RNF6: variants seen among roughly 807,000 people sequenced by gnomAD.
RNF6 encodes ring finger protein 6.
A neutral mutation model predicts 50.1 loss-of-function variants in RNF6; 21 were observed. The observed-to-expected ratio is 0.42, with a 90% CI of 0.30 to 0.60. The LOEUF is 0.60. RNF6 is among the 20% of genes least tolerant of loss of function. The pLI is 0.20. For missense variants in RNF6, 698 were observed against 838.2 expected (o/e 0.83, Z 2.07); for synonymous variants, 255 against 291.8 (o/e 0.87, Z 1.29).
chr13:26,216,198 C>CTTAAG (rs1351273733), intron 4 of RNF6, among the ~76,000 whole-genome samples: 1 of 152,186 alleles, frequency 6.6e-6, no homozygotes, highest in Admixed American at 6.5e-5. Flanking sequence ...CTTAAGGTCT[C>CTTAAG]TATGGCTGAT....
At chr13:26,217,419 A>G (rs1175411664) in intron 4 of RNF6, among the ~76,000 whole-genome samples, 4 of 152,216 alleles carry the variant, frequency 2.6e-5, no homozygotes, top group African/African-American at 9.7e-5. Flanking sequence ...TTCCATTGTA[A>G]AAGCATCGGA....
At chr13:26,208,330 A>G (rs1472812852), downstream of RNF6, among the ~76,000 whole-genome samples, 9 of 152,204 alleles carry the variant, frequency 5.9e-5, no homozygotes, top group Non-Finnish European at 2.9e-5. Context: ...GGGTGCCTGT[A>G]TGACCAGCCC....
At chr13:26,156,021 A>T (rs1871905628) in intron 5 of RNF6, among the ~76,000 whole-genome samples, 2 of 152,166 alleles carry the variant, frequency 1.3e-5, no homozygotes, top group Non-Finnish European at 2.9e-5. Flanking sequence ...AAAACACAAT[A>T]ACAGAACTGT....
Position 26,214,727 on chromosome 13 carries a change from G to A in RNF6, c.1155C>T (p.Ser385=). 1 of 1,614,216 alleles carries A rather than the reference G, an allele frequency of 6.2e-7. No homozygotes were observed. Among genetic ancestry groups the A allele is most frequent in the South Asian group, 1.1e-5 (1 of 91,088 alleles). ...RITVEEGEES[S]RSSTAVRRHP... is the part of the protein sequence containing the mutation. ...GTCGTCGTACAGCAGTTGAGGATCT[G>A]CTGGATTCTTCTCCTTCTTCTACTG... Residue 385 remains serine, a synonymous_variant, in exon 5 of 5, where the codon AGC becomes AGT. Transcript: ENST00000381588.
chr13:26,201,269 C>G (rs575229678), intron 5 of RNF6, among the ~76,000 whole-genome samples: 1 of 152,156 alleles, frequency 6.6e-6, no homozygotes, highest in Non-Finnish European at 1.5e-5. Flanking sequence ...GGTGATTTCT[C>G]GTAAAGCTAG....
intron 5 of RNF6, among the ~76,000 whole-genome samples, chr13:26,188,623 C>CTGTTTT (rs1873665823): frequency 2.3e-5 from 1 of 43,258 alleles, no homozygotes; most frequent in Non-Finnish European, 3.9e-5. Flanking sequence ...GTCAAAAGAG[C>CTGTTTT]TTTTTTTTTT....
intron 5 of RNF6, among the ~76,000 whole-genome samples, chr13:26,159,542 G>T (rs961513107): frequency 6.6e-6 from 1 of 152,036 alleles, no homozygotes; most frequent in Admixed American, 6.6e-5. Context: ...GGAGAATGGC[G>T]TGAACCCAGG....
intron 5 of RNF6, among the ~76,000 whole-genome samples, chr13:26,185,729 C>A (rs1873486539): frequency 1.3e-5 from 2 of 152,196 alleles, no homozygotes; most frequent in South Asian, 4.1e-4. Flanking sequence ...CTGGGCAAAA[C>A]GAGCGAAACC....
chr13:26,185,586 A>G (rs1187287048), intron 5 of RNF6, among the ~76,000 whole-genome samples: 1 of 152,122 alleles, frequency 6.6e-6, no homozygotes, highest in Non-Finnish European at 1.5e-5. Flanking sequence ...CTCTACTAAA[A>G]ATACAAAAAA....
At chr13:26,211,988 A>G (rs902138023), downstream of RNF6, among the ~76,000 whole-genome samples, 3 of 152,194 alleles carry the variant, frequency 2.0e-5, no homozygotes, top group Admixed American at 6.5e-5. Context: ...TTTAAAAACC[A>G]ACATTTTTAC....
intron 5 of RNF6, among the ~76,000 whole-genome samples, chr13:26,168,534 G>A (rs1872547825): frequency 6.6e-6 from 1 of 152,186 alleles, no homozygotes; most frequent in Non-Finnish European, 1.5e-5. Context: ...TTTCTTATCT[G>A]ATGAAGTTTT....
chr13:26,176,825 T>C (rs1872977673), intron 5 of RNF6, among the ~76,000 whole-genome samples: 1 of 152,110 alleles, frequency 6.6e-6, no homozygotes, highest in Non-Finnish European at 1.5e-5. Context: ...TCCCAGCTAC[T>C]CAGGAGGCTG....
At chr13:26,205,908 A>T (rs376129306) in intron 5 of RNF6, among the ~76,000 whole-genome samples, 79 of 152,276 alleles carry the variant, frequency 5.2e-4, no homozygotes, top group African/African-American at 1.7e-3. Context: ...GCTACTCAGG[A>T]GGTGAGGTGA....
intron 5 of RNF6, among the ~76,000 whole-genome samples, chr13:26,139,272 G>C (rs1295177199): frequency 6.6e-6 from 1 of 152,112 alleles, no homozygotes; most frequent in Non-Finnish European, 1.5e-5. Context: ...CCATAGCCCA[G>C]AGCTCACTGG....
intron 5 of RNF6, among the ~76,000 whole-genome samples, chr13:26,206,550 T>C (rs1566433677): frequency 6.6e-6 from 1 of 152,204 alleles, no homozygotes; most frequent in Non-Finnish European, 1.5e-5. Context: ...ACATTGTGGG[T>C]TATATGGGTT....
chr13:26,214,439 C>T lies in RNF6; in HGVS notation c.1443G>A (p.Arg481=), dbSNP rs1315063753. 4 of 1,614,140 alleles carry T rather than the reference C, an allele frequency of 2.5e-6. No individual in the cohort carries two copies. The Middle Eastern group carries it at 4.9e-4, about 200-fold the overall frequency. Residue 481 remains arginine, a synonymous_variant, in exon 5 of 5, where the codon CGG becomes CGA. Coordinates refer to ENST00000381588, the MANE Select transcript of RNF6 (RefSeq NM_005977.4). The part of the protein sequence containing the change: ...ELVEPSSVAL[R]SILRQIMTGF... ...CAGTCATGATCTGCCTTAAAATTGA[C>T]CGAAGAGCCACTGATGATGGCTCAA...
intron 5 of RNF6, among the ~76,000 whole-genome samples, chr13:26,169,224 C>T (rs1382969054): frequency 6.6e-6 from 1 of 152,110 alleles, no homozygotes; most frequent in African/African-American, 2.4e-5. Flanking sequence ...TTCACAGACT[C>T]TAGGTGGGCA....
chr13:26,155,766 G>A (rs2137596155), intron 5 of RNF6, among the ~76,000 whole-genome samples: 1 of 152,302 alleles, frequency 6.6e-6, no homozygotes, highest in African/African-American at 2.4e-5. Flanking sequence ...CATGGCTCAG[G>A]CGTCATCTGT....
intron 2 of RNF6, 71 bp from the exon 3 acceptor site, chr13:26,219,738 T>A: frequency 7.3e-7 from 1 of 1,370,468 alleles, no homozygotes; most frequent in East Asian, 2.3e-5. Context: ...ATTTTTAACT[T>A]GCAGTTTTTC....
Sources: allele counts gnomAD v4.1 joint callset (sites outside exome capture counted in the v4.1 genomes callset), GRCh38; gene constraint gnomAD v4.1.1; transcripts MANE v1.5; gene names NCBI Gene and HGNC (gene_info 2026-07-23, HGNC 2026-07-21).